Variants in BBS5 observed in about 807,000 individuals in gnomAD.
The protein encoded by BBS5 is Bardet-Biedl syndrome 5.
Under a neutral mutation model 50.2 loss-of-function variants are expected in BBS5, and 39 were observed. That is an observed-to-expected ratio of 0.78 (90% CI 0.60 to 1.01). The LOEUF (loss-of-function observed/expected upper bound fraction) is 1.01. Ranked by LOEUF, BBS5 falls within the 50% of genes least tolerant of loss-of-function variation. BBS5 has a pLI of 0.00. For missense variants in BBS5, 356 were observed against 401.5 expected (o/e 0.89, Z 0.97); for synonymous variants, 134 against 133.1 (o/e 1.01, Z -0.05).
At chr2:169,487,624 A>G in intron 3 of BBS5, 182 bp from the exon 4 acceptor site, 2 of 471,026 alleles carry the variant, frequency 4.2e-6, no homozygotes, top group Admixed American at 7.7e-5. Context: ...GACAGAATTG[A>G]CCCTCTAGTT....
intron 9 of BBS5, among the ~76,000 whole-genome samples, chr2:169,500,326 C>A (rs539891888): frequency 9.8e-5 from 15 of 152,332 alleles, no homozygotes; most frequent in African/African-American, 3.4e-4. Context: ...GGCGCTAGCT[C>A]TGATGTACTT....
At chr2:169,480,231 A>C (rs1178198751) in intron 1 of BBS5, among the ~76,000 whole-genome samples, 1 of 152,232 alleles carries the variant, frequency 6.6e-6, no homozygotes, top group African/African-American at 2.4e-5. Flanking sequence ...GTTTTTGGAA[A>C]TTATCATACA....
chr2:169,483,509 T>C (rs780611096), intron 2 of BBS5, among the ~76,000 whole-genome samples: 4 of 152,206 alleles, frequency 2.6e-5, no homozygotes, highest in Middle Eastern at 3.2e-3. Flanking sequence ...ATGTCCCTAA[T>C]AGATGGCAAG....
Position 169,480,435 on chromosome 2 carries a change from TA to T in BBS5, c.59+824del, listed in dbSNP as rs1650744223. Among the ~76,000 whole-genome samples, 3 of 152,128 alleles carry T rather than the reference TA, an allele frequency of 2.0e-5. No homozygotes were observed. The East Asian group carries it at 5.8e-4, about 29-fold the overall frequency. ...TTCCTTATCATGGACCTCCCCTCCT[TA>T]GGTGGAATCGTTCCTTATCATGGAC... On this transcript the variant is annotated intron_variant, in intron 1 of 11. Transcript: ENST00000295240.
intron 5 of BBS5, among the ~76,000 whole-genome samples, chr2:169,489,175 G>T (rs575993064): frequency 6.6e-6 from 1 of 151,964 alleles, no homozygotes; most frequent in Non-Finnish European, 1.5e-5. Flanking sequence ...AAATGTTTTT[G>T]TAGAGCCAGA....
Position 169,481,825 on chromosome 2 carries a change from T to C in BBS5, c.60-426T>C, listed in dbSNP as rs866799184. Among the ~76,000 whole-genome samples the C allele has an allele frequency of 3.9e-5, 6 of 152,306 alleles. 1 individual carries two copies. In the Middle Eastern group the frequency reaches 0.01, roughly 259 times the overall value. ...TCTCTCCTGTGCACAGGATAAGGCC[T>C]AAACCTATCAGACTGGCATTCTGAG... On this transcript the variant is annotated intron_variant, in intron 1 of 11. Coordinates refer to ENST00000295240, the MANE Select transcript of BBS5 (RefSeq NM_152384.3).
chr2:169,487,173 C>T, intron 3 of BBS5, 39 bp downstream of exon 3: 4 of 1,435,154 alleles, frequency 2.8e-6, no homozygotes, highest in Non-Finnish European at 3.9e-6. Context: ...GAAAAAAAAT[C>T]CTTTGTCAGG....
intron 2 of BBS5, among the ~76,000 whole-genome samples, chr2:169,484,093 T>TA (rs1683448221): frequency 6.6e-6 from 1 of 152,156 alleles, no homozygotes; most frequent in South Asian, 2.1e-4. Context: ...CTACTATTAA[T>TA]AAAAATAGGC....
At position 169,487,139 on chromosome 2, in the gene BBS5, G is replaced by T. The variant is rs745646726; in HGVS notation, c.208+5G>T. 6 of 1,602,368 alleles carry T rather than the reference G, an allele frequency of 3.7e-6. No homozygotes were observed. The highest frequency in any genetic ancestry group is 1.1e-5 in the South Asian group (1 of 90,794). On this transcript the variant is annotated splice_donor_5th_base_variant and intron_variant, in intron 3 of 11. Coordinates refer to ENST00000295240, the MANE Select transcript of BBS5 (RefSeq NM_152384.3). ...CATTATCAAGAGTCAATGTTTGTAA[G>T]TATCTTTGTTAGATAAGTCTGAAGA...
chr2:169,487,507 T>G (rs1683506633), intron 3 of BBS5, among the ~76,000 whole-genome samples: 1 of 152,072 alleles, frequency 6.6e-6, no homozygotes, highest in Non-Finnish European at 1.5e-5. Context: ...CCAGCTAGAC[T>G]TGTTCTTTTT....
At chr2:169,481,277 T>C (rs1248114743) in intron 1 of BBS5, among the ~76,000 whole-genome samples, 1 of 152,184 alleles carries the variant, frequency 6.6e-6, no homozygotes, top group Non-Finnish European at 1.5e-5. Flanking sequence ...ATATTCATAG[T>C]ATTTGAGTTG....
chr2:169,486,589 T>C (rs973592294), intron 2 of BBS5, among the ~76,000 whole-genome samples: 5 of 152,174 alleles, frequency 3.3e-5, no homozygotes, highest in African/African-American at 1.2e-4. Context: ...CACAGCAAAA[T>C]TGTGTGTATA....
chr2:169,483,384 G>C (rs1414151054), intron 2 of BBS5, among the ~76,000 whole-genome samples: 1 of 152,050 alleles, frequency 6.6e-6, no homozygotes, highest in African/African-American at 2.4e-5. Flanking sequence ...TCGAACTCCT[G>C]ACTTCAAGTG....
Position 169,504,712 on chromosome 2 carries a change from A to T in BBS5, c.*130A>T. On this transcript the variant is annotated 3_prime_UTR_variant, in exon 12 of 12. Coordinates refer to ENST00000295240, the MANE Select transcript of BBS5 (RefSeq NM_152384.3). ...ATTTAAAACTTGTAAGAGTTTTTTTAATGATTGAGGAAAAAGTCATTTAGA... is the reference window on the plus strand; with the variant it reads ...ATTTAAAACTTGTAAGAGTTTTTTTTATGATTGAGGAAAAAGTCATTTAGA... 1 of 1,189,734 alleles carries T rather than the reference A, an allele frequency of 8.4e-7. No homozygotes were observed. The highest frequency in any genetic ancestry group is 1.2e-6 in the Non-Finnish European group (1 of 830,748). The allele number at this position is 1,189,734 out of a possible 1,614,324, so 73.7% of individuals were successfully genotyped here.
chr2:169,500,349 A>G (rs113585348), intron 9 of BBS5, among the ~76,000 whole-genome samples: 4 of 152,128 alleles, frequency 2.6e-5, no homozygotes, highest in African/African-American at 4.8e-5. Context: ...TGTCCCCTCT[A>G]TTGTTGGTGC....
At chr2:169,483,308 T>G (rs1482699782) in intron 2 of BBS5, among the ~76,000 whole-genome samples, 1 of 152,152 alleles carries the variant, frequency 6.6e-6, no homozygotes, top group Non-Finnish European at 1.5e-5. Context: ...AGAGACCTTA[T>G]TTTTAAATGC....
intron 8 of BBS5, among the ~76,000 whole-genome samples, chr2:169,498,280 A>G (rs12619026): frequency 0.19 from 28,486 of 152,170 alleles, 2,762 homozygotes; most frequent in East Asian, 0.3. Flanking sequence ...TGGTCTCATG[A>G]TAGTAGGTTT....
rs71003093 is a variant in BBS5 at position 169,489,851 on chromosome 2, C to CTTTTTTTTTTTTTTTT, written c.386+1763_386+1778dup. ...TATTTTTTGGCTTCTCATAAATTTC[C>CTTTTTTTTTTTTTTTT]TTTTTTTTTTTTTTTTTTTTTTTTT... On this transcript the variant is annotated intron_variant, in intron 5 of 11. Coordinates refer to ENST00000295240, the MANE Select transcript of BBS5 (RefSeq NM_152384.3). 7.6e-5 allele frequency among the ~76,000 whole-genome samples: 5 copies of CTTTTTTTTTTTTTTTT among 65,900 alleles called. 1 individual carries two copies. The highest frequency in any genetic ancestry group is 1.7e-4 in the African/African-American group (2 of 12,064). 43.2% of individuals were successfully genotyped at this position (65,900 alleles called of 152,430 possible).
In BBS5 at chr2:169,484,899, G is replaced by T. The variant is rs968016680; in HGVS notation, c.143-2170G>T. Among the ~76,000 whole-genome samples, 4 of 152,322 alleles carry T rather than the reference G, an allele frequency of 2.6e-5. No individual in the cohort carries two copies. In the South Asian group the frequency reaches 8.3e-4, roughly 32 times the overall value. On this transcript the variant is annotated intron_variant, in intron 2 of 11. Transcript: ENST00000295240. The stretch of plus-strand genomic sequence containing the variant: ...TAGAAACAGGGACAACTATACTTTG[G>T]TATTAGGCAGGGTAGAGAGGAAAGT...
Sources: gnomAD v4.1 joint callset for allele counts (sites outside exome capture counted in the v4.1 genomes callset) on GRCh38, gnomAD v4.1.1 for gene constraint, MANE v1.5 for transcripts, NCBI Gene and HGNC (gene_info 2026-07-23, HGNC 2026-07-21) for gene names.